KCNAB1: variants seen among roughly 807,000 people sequenced by gnomAD.
KCNAB1 encodes the protein voltage-gated potassium channel subunit beta-1.
KCNAB1 carries 35 observed loss-of-function variants against 64.6 expected under a neutral mutation model. That is an observed-to-expected ratio of 0.54 (90% CI 0.41 to 0.72). KCNAB1 has a LOEUF of 0.72. Ranked by LOEUF, KCNAB1 falls within the 30% of genes least tolerant of loss-of-function variation. The pLI is 0.00. For synonymous variants in KCNAB1, 177 were observed against 183.8 expected (o/e 0.96, Z 0.30); for missense variants, 401 against 512.9 (o/e 0.78, Z 2.11).
chr3:156,406,912 C>T (rs756323787), intron 1 of KCNAB1, among the ~76,000 whole-genome samples: 1 of 152,134 alleles, frequency 6.6e-6, no homozygotes, highest in Non-Finnish European at 1.5e-5. Flanking sequence ...TTCCAAATAC[C>T]AAAACCCTCA....
chr3:156,144,666 C>T (rs753811777), intron 1 of KCNAB1, among the ~76,000 whole-genome samples: 1 of 152,146 alleles, frequency 6.6e-6, no homozygotes, highest in Non-Finnish European at 1.5e-5. Context: ...CTCTCTTCTC[C>T]GTGTTTCCTC....
rs542560470 is a variant in KCNAB1 at position 156,173,660 on chromosome 3, T to C, written c.275+52774T>C. On this transcript the variant is annotated intron_variant, in intron 1 of 13. Coordinates refer to ENST00000490337, the MANE Select transcript of KCNAB1 (RefSeq NM_172160.3). ...CTTATCCAGTATTATTAACACTCTA[T>C]GTAACAAAAAAATGCAACAAATTGT... Among the ~76,000 whole-genome samples, 13 of 152,284 alleles carry C rather than the reference T, an allele frequency of 8.5e-5. 1 individual carries two copies. The highest frequency in any genetic ancestry group is 1.2e-4 in the African/African-American group (5 of 41,568).
At chr3:156,429,373 G>T (rs1397276076) in intron 2 of KCNAB1, among the ~76,000 whole-genome samples, 2 of 152,188 alleles carry the variant, frequency 1.3e-5, no homozygotes, top group African/African-American at 4.8e-5. Context: ...AGGAGAATCT[G>T]CCCTGCTTAG....
At chr3:156,316,970 C>T (rs555732186) in intron 1 of KCNAB1, among the ~76,000 whole-genome samples, 10 of 152,130 alleles carry the variant, frequency 6.6e-5, no homozygotes, top group South Asian at 2.1e-4. Context: ...GAGGCTGGGA[C>T]GATTATATGA....
In KCNAB1 at chr3:156,381,627, G is replaced by A. The variant is rs1314748403; in HGVS notation, c.276-39989G>A. 4.6e-5 allele frequency among the ~76,000 whole-genome samples: 7 copies of A among 152,336 alleles called. No homozygotes were observed. The East Asian group carries it at 1.3e-3, about 29-fold the overall frequency. Reference sequence around the variant, plus strand: ...ACTGAACTAAATCAGTGGACATTTTGAAAGCTGGAAGGCAATTATAAGCTG... The same window carrying A: ...ACTGAACTAAATCAGTGGACATTTTAAAAGCTGGAAGGCAATTATAAGCTG... On this transcript the variant is annotated intron_variant, in intron 1 of 13. Coordinates refer to ENST00000490337, the MANE Select transcript of KCNAB1 (RefSeq NM_172160.3).
At chr3:156,499,364 G>T (rs1399691622) in intron 8 of KCNAB1, among the ~76,000 whole-genome samples, 1 of 152,080 alleles carries the variant, frequency 6.6e-6, no homozygotes, top group African/African-American at 2.4e-5. Context: ...AAATTTCTAG[G>T]ACCCTCAGTT....
In KCNAB1 at chr3:156,374,450, T is replaced by G. The variant is rs574649039; in HGVS notation, c.276-47166T>G. ...CACTTTATTTGCTTGGGAAGCTTGATTTGTTCATGGGAGTTTGCACATACA... is the reference window on the plus strand; with the variant it reads ...CACTTTATTTGCTTGGGAAGCTTGAGTTGTTCATGGGAGTTTGCACATACA... On this transcript the variant is annotated intron_variant, in intron 1 of 13. Coordinates refer to ENST00000490337, the MANE Select transcript of KCNAB1 (RefSeq NM_172160.3). Among the ~76,000 whole-genome samples, 88 of 86,660 alleles carry G rather than the reference T, an allele frequency of 1.0e-3. 12 individuals carry two copies. In the South Asian group the frequency reaches 0.021, roughly 21 times the overall value. 56.9% of individuals were successfully genotyped at this position (86,660 alleles called of 152,430 possible). A position where few individuals can be genotyped will look rare whatever the true frequency, so the allele number is the denominator to read the frequency against.
At position 156,176,825 on chromosome 3, in the gene KCNAB1, C is replaced by G. The variant is rs924781407; in HGVS notation, c.275+55939C>G. 8.4e-6 allele frequency: 8 copies of G among 954,034 alleles called. No individual in the cohort carries two copies. In the South Asian group the frequency reaches 1.1e-4, roughly 13 times the overall value. 59.1% of individuals were successfully genotyped at this position (954,034 alleles called of 1,614,324 possible). ...GCTGCCCGGCTCCAGGGCCCGATCC[C>G]GCCACTCCCAACAGCAACTCATGCC... On this transcript the variant is annotated intron_variant, in intron 1 of 13. Coordinates refer to ENST00000490337, the MANE Select transcript of KCNAB1 (RefSeq NM_172160.3).
chr3:156,401,414 A>G (rs191511953), intron 1 of KCNAB1, among the ~76,000 whole-genome samples: 35 of 152,318 alleles, frequency 2.3e-4, no homozygotes, highest in Non-Finnish European at 3.7e-4. Flanking sequence ...CACTGAATTG[A>G]GTCTTAATTA....
At chr3:156,402,716 G>A (rs2108194342) in intron 1 of KCNAB1, among the ~76,000 whole-genome samples, 1 of 152,314 alleles carries the variant, frequency 6.6e-6, no homozygotes, top group South Asian at 2.1e-4. Flanking sequence ...ATGAAGGAAG[G>A]CTAAATCCTT....
intron 2 of KCNAB1, among the ~76,000 whole-genome samples, chr3:156,425,173 T>C (rs897142066): frequency 3.3e-5 from 5 of 152,228 alleles, no homozygotes; most frequent in Non-Finnish European, 5.9e-5. Flanking sequence ...TACGTTCAAC[T>C]GAGGCCTTAG....
At chr3:156,483,657 C>T (rs899389559) in intron 8 of KCNAB1, among the ~76,000 whole-genome samples, 2 of 152,068 alleles carry the variant, frequency 1.3e-5, no homozygotes, top group Non-Finnish European at 2.9e-5. Flanking sequence ...TTGAGCAGAA[C>T]TGAATAATCT....
At chr3:156,251,449 C>A (rs774603217) in intron 1 of KCNAB1, among the ~76,000 whole-genome samples, 17 of 152,156 alleles carry the variant, frequency 1.1e-4, no homozygotes, top group Non-Finnish European at 2.1e-4. Context: ...AAATATATGA[C>A]AAGTGCTGAG....
chr3:156,378,694 G>A (rs917840830), intron 1 of KCNAB1, among the ~76,000 whole-genome samples: 1 of 152,060 alleles, frequency 6.6e-6, no homozygotes, highest in African/African-American at 2.4e-5. Flanking sequence ...TCTGGATGGC[G>A]GGCTTCATGA....
chr3:156,231,475 C>T (rs1236709893), intron 1 of KCNAB1, among the ~76,000 whole-genome samples: 1 of 113,446 alleles, frequency 8.8e-6, no homozygotes, highest in Non-Finnish European at 1.7e-5. Context: ...CCCTTTCTTC[C>T]CTCCCCTCCC....
intron 1 of KCNAB1, among the ~76,000 whole-genome samples, chr3:156,231,629 T>A (rs1576628940): frequency 1.3e-5 from 2 of 151,558 alleles, no homozygotes; most frequent in East Asian, 3.9e-4. Context: ...AGAAACATTT[T>A]ACAACCCGCT....
intron 8 of KCNAB1, among the ~76,000 whole-genome samples, chr3:156,479,287 C>A (rs931387239): frequency 6.6e-6 from 1 of 152,106 alleles, no homozygotes; most frequent in Non-Finnish European, 1.5e-5. Context: ...TCCACAAATC[C>A]CTAACCTGTA....
chr3:156,300,460 C>T (rs1410445687), intron 1 of KCNAB1, among the ~76,000 whole-genome samples: 1 of 152,158 alleles, frequency 6.6e-6, no homozygotes, highest in Admixed American at 6.5e-5. Context: ...CATTCAAACC[C>T]TCTATACAAT....
chr3:156,402,568 CAAT>C (rs1218322352), intron 1 of KCNAB1, among the ~76,000 whole-genome samples: 3 of 152,116 alleles, frequency 2.0e-5, no homozygotes, highest in Admixed American at 2.0e-4. Context: ...ACAGATAAGA[CAAT>C]GATATGTGAT....
Sources: gnomAD v4.1 joint callset for allele counts (sites outside exome capture counted in the v4.1 genomes callset) on GRCh38, gnomAD v4.1.1 for gene constraint, MANE v1.5 for transcripts, NCBI Gene and HGNC (gene_info 2026-07-23, HGNC 2026-07-21) for gene names.